Variants in AGMO observed in about 807,000 individuals in gnomAD.
AGMO encodes glyceryl-ether monooxygenase.
AGMO carries 75 observed loss-of-function variants against 60.2 expected under a neutral mutation model. The ratio of observed to expected loss-of-function variants is 1.25; its 90% CI spans 1.03 to 1.51. The LOEUF (loss-of-function observed/expected upper bound fraction) is 1.51. Ranked by LOEUF, AGMO falls within the 40% of genes most tolerant of loss-of-function variation. The pLI is 0.00. For synonymous variants in AGMO, 261 were observed against 177.1 expected (o/e 1.47, Z -3.76); for missense variants, 763 against 525.5 (o/e 1.45, Z -4.42).
At chr7:15,328,481 G>A (rs1456411469) in intron 12 of AGMO, among the ~76,000 whole-genome samples, 3 of 152,146 alleles carry the variant, frequency 2.0e-5, no homozygotes, top group Admixed American at 6.6e-5. Flanking sequence ...TCTTCCCATA[G>A]GAGCTGTGTT....
chr7:15,520,603 G>C (rs1783954758), intron 3 of AGMO, among the ~76,000 whole-genome samples: 1 of 152,158 alleles, frequency 6.6e-6, no homozygotes, highest in Non-Finnish European at 1.5e-5. Flanking sequence ...TGACTACTGG[G>C]TAAATAATGA....
chr7:15,297,865 C>T (rs1025648359), intron 12 of AGMO, among the ~76,000 whole-genome samples: 2 of 152,058 alleles, frequency 1.3e-5, no homozygotes, highest in African/African-American at 2.4e-5. Context: ...AGATATTGAA[C>T]TAACATAAAA....
chr7:15,492,774 G>A lies in AGMO; in HGVS notation c.409+51998C>T, dbSNP rs79930275. 2.8e-4 allele frequency among the ~76,000 whole-genome samples: 42 copies of A among 152,186 alleles called. No individual in the cohort carries two copies. In the East Asian group the frequency reaches 7.5e-3, roughly 27 times the overall value. ...ATTAAAGGAAGGAAGGCAGGAAGGT[G>A]GGGAGAAAGAGAAAAAGGGGAAGGA... On this transcript the variant is annotated intron_variant, in intron 3 of 12. Coordinates refer to ENST00000342526, the MANE Select transcript of AGMO (RefSeq NM_001004320.2).
chr7:15,302,584 T>A (rs1486608898), intron 12 of AGMO, among the ~76,000 whole-genome samples: 3 of 152,102 alleles, frequency 2.0e-5, no homozygotes, highest in Non-Finnish European at 4.4e-5. Flanking sequence ...AATTAAAAAA[T>A]ACATAAATCA....
At chr7:15,541,996 T>C (rs1784642918) in intron 3 of AGMO, among the ~76,000 whole-genome samples, 1 of 152,182 alleles carries the variant, frequency 6.6e-6, no homozygotes, top group Non-Finnish European at 1.5e-5. Flanking sequence ...TTTGGAATTA[T>C]TGAAATTTTT....
chr7:15,354,645 G>C (rs989770276), intron 12 of AGMO, among the ~76,000 whole-genome samples: 2 of 146,696 alleles, frequency 1.4e-5, no homozygotes, highest in African/African-American at 5.0e-5. Flanking sequence ...ATATTCATAA[G>C]GGTGGTAAGT....
intron 3 of AGMO, among the ~76,000 whole-genome samples, chr7:15,484,349 G>T (rs913670306): frequency 1.3e-5 from 2 of 151,998 alleles, no homozygotes; most frequent in African/African-American, 4.8e-5. Context: ...TTTGCATCAA[G>T]TTCAAAAATG....
intron 3 of AGMO, among the ~76,000 whole-genome samples, chr7:15,442,965 G>A (rs1781599820): frequency 6.6e-6 from 1 of 152,188 alleles, no homozygotes; most frequent in Non-Finnish European, 1.5e-5. Flanking sequence ...TGTGGAGTTT[G>A]GCTAGGGAGG....
the AGMO span, among the ~76,000 whole-genome samples, chr7:15,158,749 G>A: frequency 6.6e-6 from 1 of 152,204 alleles, no homozygotes. Flanking sequence ...TTTGTTTCCT[G>A]TCTCTGAATT....
At chr7:15,344,209 GT>G (rs1781954759) in intron 12 of AGMO, among the ~76,000 whole-genome samples, 1 of 152,122 alleles carries the variant, frequency 6.6e-6, no homozygotes, top group Non-Finnish European at 1.5e-5. Context: ...AACAATATTT[GT>G]TGAATGAATA....
intron 10 of AGMO, among the ~76,000 whole-genome samples, chr7:15,381,482 T>A (rs1257412690): frequency 1.3e-5 from 2 of 151,956 alleles, no homozygotes; most frequent in East Asian, 3.9e-4. Flanking sequence ...TGGTGTACCA[T>A]CTCCCACCAG....
At chr7:15,325,775 T>C (rs1406394560) in intron 12 of AGMO, among the ~76,000 whole-genome samples, 3 of 152,208 alleles carry the variant, frequency 2.0e-5, no homozygotes, top group East Asian at 1.9e-4. Context: ...CCCTGTATAT[T>C]AATTTTTCAT....
At chr7:15,186,831 A>G in the AGMO span, among the ~76,000 whole-genome samples, 2 of 151,948 alleles carry the variant, frequency 1.3e-5, no homozygotes, top group East Asian at 3.9e-4. Context: ...GTCCCGGCGC[A>G]CTTTGCAGAT....
the AGMO span, among the ~76,000 whole-genome samples, chr7:15,188,128 C>T: frequency 6.6e-6 from 1 of 152,140 alleles, no homozygotes. Flanking sequence ...ATGGGTCAAA[C>T]AGAGGTTCAC....
rs75143068 is a variant in AGMO at position 15,324,694 on chromosome 7, C to T, written c.1263+40820G>A. Among the ~76,000 whole-genome samples, 2,078 of 152,162 alleles carry T rather than the reference C, an allele frequency of 0.014. 124 individuals carry two copies. In the East Asian group the frequency reaches 0.22, roughly 16 times the overall value. On this transcript the variant is annotated intron_variant, in intron 12 of 12. Transcript: ENST00000342526. ...GGGGGGCGGTGTCGGGGAGAAGATA[C>T]GGTTTCAGGAAGAAACTGTTCCACC...
At position 15,561,874 on chromosome 7, in the gene AGMO, G is replaced by C; in HGVS notation, c.-29C>G. 1 of 1,578,066 alleles carries C rather than the reference G, an allele frequency of 6.3e-7. No individual in the cohort carries two copies. The highest frequency in any genetic ancestry group is 8.6e-7 in the Non-Finnish European group (1 of 1,159,168). ...TGCCCTTGTCTGATTCCCAGCTGGA[G>C]AATATTTAGGATTCAATGCTTGAAG... On this transcript the variant is annotated 5_prime_UTR_variant, in exon 1 of 13. Coordinates refer to ENST00000342526, the MANE Select transcript of AGMO (RefSeq NM_001004320.2).
At chr7:15,528,299 A>G (rs1784178002) in intron 3 of AGMO, among the ~76,000 whole-genome samples, 1 of 152,168 alleles carries the variant, frequency 6.6e-6, no homozygotes, top group Non-Finnish European at 1.5e-5. Context: ...TAGTATAAGC[A>G]TAAATTTTAT....
chr7:15,134,716 C>T, the AGMO span, among the ~76,000 whole-genome samples: 2 of 152,002 alleles, frequency 1.3e-5, no homozygotes, highest in East Asian at 1.9e-4. Flanking sequence ...TGGGCATTTA[C>T]GTTGACTCCA....
chr7:15,194,316 G>T, the AGMO span, among the ~76,000 whole-genome samples: 1 of 151,960 alleles, frequency 6.6e-6, no homozygotes, highest in African/African-American at 2.4e-5. Context: ...CACATGAATA[G>T]CTACTGCTTT....
Sources: gnomAD v4.1 joint callset for allele counts (sites outside exome capture counted in the v4.1 genomes callset) on GRCh38, gnomAD v4.1.1 for gene constraint, MANE v1.5 for transcripts, NCBI Gene and HGNC (gene_info 2026-07-23, HGNC 2026-07-21) for gene names.